Variants in ARPP21 observed in about 807,000 individuals in gnomAD.
ARPP21 encodes the protein cAMP-regulated phosphoprotein 21.
ARPP21 carries 69 observed loss-of-function variants against 113.2 expected under a neutral mutation model. The ratio of observed to expected loss-of-function variants is 0.61; its 90% CI spans 0.50 to 0.74. The LOEUF (loss-of-function observed/expected upper bound fraction) is 0.74, where lower values mean the gene tolerates loss of function less well. Ranked by LOEUF, ARPP21 falls within the 30% of genes least tolerant of loss-of-function variation. ARPP21 has a pLI of 0.00. For synonymous variants in ARPP21, 368 were observed against 375.5 expected, an observed-to-expected ratio of 0.98 and a Z score of 0.23; for missense variants, 1,070 against 1,037.4, an observed-to-expected ratio of 1.03 and a Z score of -0.43.
chr3:35,716,040 G>A (rs1472943870), intron 12 of ARPP21, among the ~76,000 whole-genome samples: 1 of 152,026 alleles, frequency 6.6e-6, no homozygotes. Context: ...GTAGGGGGAG[G>A]TAGTTGTTGT....
intron 19 of ARPP21, among the ~76,000 whole-genome samples, chr3:35,766,239 A>G (rs1303322515): frequency 2.0e-5 from 3 of 152,168 alleles, no homozygotes; most frequent in African/African-American, 7.2e-5. Flanking sequence ...ATACAGCCAC[A>G]TGGCTCTCCC....
chr3:35,686,000 T>G (rs1232069435), intron 5 of ARPP21: 1 of 168,728 alleles, frequency 5.9e-6, no homozygotes, highest in Non-Finnish European at 1.2e-5. Flanking sequence ...TGTACATTTT[T>G]TTATAGTGGA....
At chr3:35,786,533 A>T (rs2096637664) in intron 19 of ARPP21, among the ~76,000 whole-genome samples, 1 of 152,042 alleles carries the variant, frequency 6.6e-6, no homozygotes, top group Non-Finnish European at 1.5e-5. Context: ...TCTCAAAAAA[A>T]AAAAAAAAAG....
chr3:35,788,815 A>G (rs956921452), intron 19 of ARPP21, among the ~76,000 whole-genome samples: 1 of 152,230 alleles, frequency 6.6e-6, no homozygotes. Context: ...AACTACAAAT[A>G]GTATGCAACT....
At chr3:35,669,310 G>T (rs1015747630) in intron 1 of ARPP21, among the ~76,000 whole-genome samples, 4 of 152,238 alleles carry the variant, frequency 2.6e-5, no homozygotes, top group Admixed American at 2.6e-4. Context: ...TGTTACAAAT[G>T]CAACTACTGG....
At chr3:35,793,333 G>C (rs2151936189) in intron 20 of ARPP21, among the ~76,000 whole-genome samples, 1 of 152,320 alleles carries the variant, frequency 6.6e-6, no homozygotes, top group East Asian at 1.9e-4. Context: ...TTCAAACTGA[G>C]AGAAACCCAG....
intron 15 of ARPP21, among the ~76,000 whole-genome samples, chr3:35,732,219 A>G (rs2094030507): frequency 6.6e-6 from 1 of 151,494 alleles, no homozygotes; most frequent in African/African-American, 2.4e-5. Flanking sequence ...TGTGCCTACT[A>G]AATGAAAAAA....
intron 19 of ARPP21, among the ~76,000 whole-genome samples, chr3:35,758,463 C>A (rs2095650148): frequency 6.6e-6 from 1 of 151,792 alleles, no homozygotes. Flanking sequence ...TTTAATTTCC[C>A]ATTGTTAAAA....
chr3:35,738,061 G>C (rs1417798328), intron 16 of ARPP21, among the ~76,000 whole-genome samples, 153 bp from the exon 17 acceptor site: 1 of 152,150 alleles, frequency 6.6e-6, no homozygotes, highest in African/African-American at 2.4e-5. Context: ...GTCTGGCTCT[G>C]GTCTTTCAGA....
chr3:35,709,718 A>G (rs2090431446), intron 11 of ARPP21, among the ~76,000 whole-genome samples: 1 of 152,214 alleles, frequency 6.6e-6, no homozygotes. Context: ...AAAAAAGTAG[A>G]GGCTGGATTT....
At chr3:35,765,636 A>G (rs1334921239) in intron 19 of ARPP21, among the ~76,000 whole-genome samples, 1 of 152,170 alleles carries the variant, frequency 6.6e-6, no homozygotes, top group Non-Finnish European at 1.5e-5. Context: ...AGTGCTTTCA[A>G]TGCTTCTTAA....
intron 19 of ARPP21, among the ~76,000 whole-genome samples, chr3:35,748,266 G>A (rs1407001194): frequency 7.6e-6 from 1 of 131,508 alleles, no homozygotes; most frequent in Non-Finnish European, 1.6e-5. Flanking sequence ...AGAAAGGAGA[G>A]AGAGAAAGAA....
chr3:35,783,326 G>A (rs1030982532), intron 19 of ARPP21, among the ~76,000 whole-genome samples: 12 of 151,978 alleles, frequency 7.9e-5, no homozygotes, highest in African/African-American at 1.9e-4. Flanking sequence ...TGTGTTTACC[G>A]ATCATCTCTA....
chr3:35,735,788 G>T (rs1483871759), intron 15 of ARPP21, among the ~76,000 whole-genome samples: 1 of 152,108 alleles, frequency 6.6e-6, no homozygotes, highest in Non-Finnish European at 1.5e-5. Context: ...TTTCCAATAG[G>T]GTTACAGGAT....
chr3:35,710,558 C>T (rs892933596), intron 11 of ARPP21, among the ~76,000 whole-genome samples: 19 of 151,458 alleles, frequency 1.3e-4, no homozygotes, highest in African/African-American at 4.6e-4. Flanking sequence ...CACACACACA[C>T]ACACACACAC....
At chr3:35,774,611 C>T (rs2096299180) in intron 19 of ARPP21, among the ~76,000 whole-genome samples, 2 of 152,180 alleles carry the variant, frequency 1.3e-5, no homozygotes, top group Non-Finnish European at 2.9e-5. Context: ...ACTCATCTCT[C>T]CTGCTGAATT....
At position 35,707,078 on chromosome 3, in the gene ARPP21, A is replaced by G; in HGVS notation, c.791A>G (p.Asn264Ser). 12 of 1,611,322 alleles carry G rather than the reference A, an allele frequency of 7.4e-6. No homozygotes were observed. Among genetic ancestry groups the G allele is most frequent in the Non-Finnish European group, 1.0e-5 (12 of 1,178,204 alleles). The change falls in exon 10 of 21, where the codon AAT (asparagine) becomes AGT (serine). Residue 264 changes from asparagine to serine, a missense_variant. Coordinates refer to ENST00000684406, the MANE Select transcript of ARPP21 (RefSeq NM_001385562.1). The stretch of plus-strand genomic sequence containing the variant: ...AACTCTAGTATTGATAAAGAAGACA[A>G]TCAGGTTGGTTCTCAAGTTTGAGAG... The part of the protein sequence containing the change: ...RDNSSIDKED[N>S]QQNRMHPFRD...
chr3:35,739,532 C>T lies in ARPP21; in HGVS notation c.1965C>T (p.Pro655=). The T allele has an allele frequency of 1.2e-6, 2 of 1,614,020 alleles. No homozygotes were observed. Among genetic ancestry groups the T allele is most frequent in the South Asian group, 1.1e-5 (1 of 91,052 alleles). Residue 655 remains proline (P), a synonymous_variant, in exon 18 of 21, where the codon CCC becomes CCT. Coordinates refer to ENST00000684406, the MANE Select transcript of ARPP21 (RefSeq NM_001385562.1). ...GPPISQQVLQ[P]PPSPQGFVQQ... The stretch of plus-strand genomic sequence containing the variant: ...CCATCTCCCAGCAGGTCCTCCAGCC[C>T]CCTCCCTCACCACAGGGATTTGTGC...
intron 9 of ARPP21, among the ~76,000 whole-genome samples, chr3:35,706,322 A>G (rs532461431): frequency 6.6e-6 from 1 of 152,334 alleles, no homozygotes; most frequent in Non-Finnish European, 1.5e-5. Flanking sequence ...ACTAATCAAT[A>G]GTGTGTAACT....
Sources: gnomAD v4.1 joint callset for allele counts (sites outside exome capture counted in the v4.1 genomes callset) on GRCh38, gnomAD v4.1.1 for gene constraint, MANE v1.5 for transcripts, NCBI Gene and HGNC (gene_info 2026-07-23, HGNC 2026-07-21) for gene names.